FHIT: variants seen among roughly 807,000 people sequenced by gnomAD.
FHIT encodes the protein fragile histidine triad diadenosine triphosphatase.
A neutral mutation model predicts 17.9 loss-of-function variants in FHIT; 19 were observed. That is an observed-to-expected ratio of 1.06 (90% confidence interval 0.74 to 1.56). The LOEUF (loss-of-function observed/expected upper bound fraction) is 1.56, where lower values mean the gene tolerates loss of function less well. Ranked by LOEUF, FHIT falls within the 40% of genes most tolerant of loss-of-function variation. The pLI, the probability that FHIT is intolerant of heterozygous loss-of-function variation, is 0.00. For synonymous variants in FHIT, 81 were observed against 69.7 expected, an observed-to-expected ratio of 1.16 and a Z score of -0.81; for missense variants, 248 against 189.2, an observed-to-expected ratio of 1.31 and a Z score of -1.82.
rs991431498 is a variant in FHIT at position 60,597,066 on chromosome 3, T to C, written c.-17-60087A>G. Among the ~76,000 whole-genome samples the C allele has an allele frequency of 2.6e-5, 4 of 152,194 alleles. No homozygotes were observed. In the South Asian group the frequency reaches 8.3e-4, roughly 31 times the overall value. On this transcript the variant is annotated intron_variant, in intron 4 of 9. Transcript: ENST00000492590. ...AGCACCATCCCCACCTCATTTCCTG[T>C]GCTTATGGACAACGGAGGCTTGCAG...
chr3:60,856,954 C>A (rs1454579959), intron 3 of FHIT, among the ~76,000 whole-genome samples: 1 of 152,154 alleles, frequency 6.6e-6, no homozygotes, highest in Admixed American at 6.6e-5. Context: ...TGCCCCACTC[C>A]AAAACCAGGT....
chr3:59,824,713 A>T (rs1700915664), intron 8 of FHIT, among the ~76,000 whole-genome samples: 2 of 152,246 alleles, frequency 1.3e-5, no homozygotes, highest in African/African-American at 4.8e-5. Context: ...TGTTAGGAAG[A>T]TGTGGTGAGT....
intron 5 of FHIT, among the ~76,000 whole-genome samples, chr3:60,351,524 A>G (rs150652164): frequency 5.6e-4 from 86 of 152,322 alleles, no homozygotes; most frequent in African/African-American, 1.8e-3. Flanking sequence ...AATGGAGACT[A>G]TGGTGAAGGA....
intron 4 of FHIT, among the ~76,000 whole-genome samples, chr3:60,706,032 G>C (rs1577091576): frequency 6.6e-6 from 1 of 152,062 alleles, no homozygotes; most frequent in South Asian, 2.1e-4. Flanking sequence ...CCATGACTCA[G>C]TCCAGAATAT....
At chr3:61,208,365 A>G (rs2039327539) in intron 1 of FHIT, among the ~76,000 whole-genome samples, 1 of 152,046 alleles carries the variant, frequency 6.6e-6, no homozygotes, top group Admixed American at 6.6e-5. Context: ...ATTCCTGGAT[A>G]TCCTTGTTAA....
intron 4 of FHIT, among the ~76,000 whole-genome samples, chr3:60,689,102 G>A (rs541069471): frequency 2.0e-5 from 3 of 152,230 alleles, no homozygotes; most frequent in South Asian, 4.2e-4. Flanking sequence ...CACAAGATCT[G>A]ATGGTTTTAA....
At chr3:60,270,813 G>T in intron 5 of FHIT, among the ~76,000 whole-genome samples, 1 of 152,222 alleles carries the variant, frequency 6.6e-6, no homozygotes, top group Middle Eastern at 3.4e-3. Context: ...AAGAACCATG[G>T]GGAGGAACAC....
intron 5 of FHIT, among the ~76,000 whole-genome samples, chr3:60,067,361 C>T (rs947524618): frequency 2.6e-5 from 4 of 152,080 alleles, no homozygotes; most frequent in African/African-American, 9.6e-5. Flanking sequence ...TGAATAAGCA[C>T]ACATACACAG....
intron 5 of FHIT, among the ~76,000 whole-genome samples, chr3:60,308,300 G>A (rs1001003086): frequency 1.3e-5 from 2 of 151,804 alleles, no homozygotes; most frequent in African/African-American, 4.8e-5. Flanking sequence ...GGAAAGAGGC[G>A]ATTGAGCTTA....
At chr3:61,131,631 G>T (rs917375998) in intron 2 of FHIT, among the ~76,000 whole-genome samples, 3 of 152,220 alleles carry the variant, frequency 2.0e-5, no homozygotes, top group African/African-American at 7.2e-5. Flanking sequence ...TTGGCCCCAG[G>T]CCACTGCCAT....
At chr3:61,235,461 T>C (rs1248453344) in intron 1 of FHIT, among the ~76,000 whole-genome samples, 1 of 152,198 alleles carries the variant, frequency 6.6e-6, no homozygotes, top group Non-Finnish European at 1.5e-5. Context: ...TTAACTTGCT[T>C]TCAATTTTTA....
intron 5 of FHIT, among the ~76,000 whole-genome samples, chr3:60,420,918 A>G (rs950231299): frequency 6.6e-6 from 1 of 151,824 alleles, no homozygotes; most frequent in Non-Finnish European, 1.5e-5. Context: ...TCGTATTACC[A>G]TCATTTCTCT....
chr3:60,883,354 A>T (rs782378933), intron 3 of FHIT, among the ~76,000 whole-genome samples: 5 of 152,182 alleles, frequency 3.3e-5, no homozygotes, highest in Non-Finnish European at 7.4e-5. Flanking sequence ...TCTTCACAGG[A>T]TTAGAAAAAA....
chr3:60,132,298 T>C (rs1699627856), intron 5 of FHIT, among the ~76,000 whole-genome samples: 1 of 152,234 alleles, frequency 6.6e-6, no homozygotes, highest in South Asian at 2.1e-4. Context: ...GGAAAGCAGC[T>C]GGCCTTGCTG....
At chr3:60,732,757 G>T (rs1210758507) in intron 4 of FHIT, 1 of 267,064 alleles carries the variant, frequency 3.7e-6, no homozygotes, top group Non-Finnish European at 7.1e-6. Flanking sequence ...CACAATCTCG[G>T]CTCACTGCAA....
At chr3:59,804,701 G>C (rs505780) in intron 8 of FHIT, among the ~76,000 whole-genome samples, 113,882 of 152,044 alleles carry the variant, frequency 0.75, 43,144 homozygotes, top group Middle Eastern at 0.9. Flanking sequence ...CCCTGTCATA[G>C]CTCAAGTGTG....
intron 4 of FHIT, among the ~76,000 whole-genome samples, chr3:60,755,336 C>A (rs1469650767): frequency 6.6e-6 from 1 of 152,172 alleles, no homozygotes; most frequent in East Asian, 1.9e-4. Flanking sequence ...CCAGTCAGTC[C>A]CATCCCATTG....
chr3:60,024,895 T>C (rs928929185), intron 5 of FHIT, among the ~76,000 whole-genome samples: 2 of 152,196 alleles, frequency 1.3e-5, no homozygotes, highest in African/African-American at 4.8e-5. Flanking sequence ...GATTCTGGGT[T>C]CTCTTTGCAA....
chr3:59,791,186 T>G (rs995132597), intron 8 of FHIT, among the ~76,000 whole-genome samples: 7 of 152,200 alleles, frequency 4.6e-5, no homozygotes, highest in African/African-American at 1.7e-4. Flanking sequence ...GGCCTTGGGA[T>G]GGGTTCATAA....
Sources: gnomAD v4.1 joint callset for allele counts (sites outside exome capture counted in the v4.1 genomes callset) on GRCh38, gnomAD v4.1.1 for gene constraint, MANE v1.5 for transcripts, NCBI Gene and HGNC (gene_info 2026-07-23, HGNC 2026-07-21) for gene names.